Variants in PRKDC observed in about 807,000 individuals in gnomAD.
PRKDC encodes the protein DNA-dependent protein kinase catalytic subunit.
In PRKDC, 82 loss-of-function variants were observed where a neutral mutation model predicts 486.9. The observed-to-expected ratio is 0.17, with a 90% CI of 0.14 to 0.20. The LOEUF (loss-of-function observed/expected upper bound fraction) is 0.20. PRKDC is among the 10% of genes least tolerant of loss of function. The pLI is 1.00. For missense variants in PRKDC, 4,504 were observed against 5,038.2 expected (o/e 0.89, Z 3.21); for synonymous variants, 1,895 against 1,837.0 (o/e 1.03, Z -0.81).
chr8:47,890,335 G>A lies in PRKDC; in HGVS notation c.3993C>T (p.Asn1331=). ...RTSPQEGERY[N]YSKCTVVVRI... ...GGACCACAACGGTGCATTTGCTGTA[G>A]TTGTACCTTTCTCCCTCTTGTGGGC... The change falls in exon 32 of 86, where the codon AAC becomes AAT. Residue 1331 remains asparagine, a synonymous_variant. Transcript: ENST00000314191. The A allele has an allele frequency of 6.2e-7, 1 of 1,613,524 alleles. No individual in the cohort carries two copies. Among genetic ancestry groups the A allele is most frequent in the Non-Finnish European group, 8.5e-7 (1 of 1,179,826 alleles).
chr8:47,793,284 C>T (rs184206442), intron 74 of PRKDC, among the ~76,000 whole-genome samples: 82 of 152,296 alleles, frequency 5.4e-4, no homozygotes, highest in African/African-American at 1.8e-3. Context: ...TGGGCAGGGC[C>T]TCAGTAGGGC....
chr8:47,901,812 A>C (rs776801814), intron 27 of PRKDC, among the ~76,000 whole-genome samples: 9 of 152,174 alleles, frequency 5.9e-5, no homozygotes, highest in Admixed American at 6.5e-5. Context: ...TTACACAGGT[A>C]AATGTGGTAC....
At position 47,927,321 on chromosome 8, in the gene PRKDC, G is replaced by C. The variant is rs1338170764; in HGVS notation, c.2292C>G (p.Pro764=). 4 of 1,613,642 alleles carry C rather than the reference G, an allele frequency of 2.5e-6. No individual in the cohort carries two copies. The highest frequency in any genetic ancestry group is 3.4e-6 in the Non-Finnish European group (4 of 1,179,748). Residue 764 remains proline, a synonymous_variant, in exon 21 of 86, where the codon CCC becomes CCG. Coordinates refer to ENST00000314191, the MANE Select transcript of PRKDC (RefSeq NM_006904.7). The part of the protein sequence containing the change: ...MAFKLGLSYT[P]LAEVGLNALE... ...GAGCATTCAGGCCTACTTCTGCCAAGGGGGTATAGCTCAGGCCCAGTTTGA... is the reference window on the plus strand; with the variant it reads ...GAGCATTCAGGCCTACTTCTGCCAACGGGGTATAGCTCAGGCCCAGTTTGA...
At chr8:47,845,003 T>C (rs1589737263) in intron 54 of PRKDC, among the ~76,000 whole-genome samples, 1 of 152,062 alleles carries the variant, frequency 6.6e-6, no homozygotes, top group Admixed American at 6.6e-5. Flanking sequence ...TCATTTGAGG[T>C]CAGGAGTTTG....
intron 21 of PRKDC, chr8:47,926,730 C>T (rs1404157948): frequency 6.6e-6 from 1 of 152,114 alleles, no homozygotes; most frequent in Non-Finnish European, 1.5e-5. Flanking sequence ...CCTGTTTTTT[C>T]TATGATGACA....
chr8:47,876,557 A>T (rs1435783919), intron 40 of PRKDC, among the ~76,000 whole-genome samples: 2 of 151,958 alleles, frequency 1.3e-5, no homozygotes, highest in African/African-American at 4.8e-5. Flanking sequence ...GCTACTCGGG[A>T]GGCTGACGCA....
chr8:47,774,013 CTCA>C lies in PRKDC; in HGVS notation c.*157_*159del, dbSNP rs1212105368. 2 of 678,032 alleles carry C rather than the reference CTCA, an allele frequency of 2.9e-6. No individual in the cohort carries two copies. The highest frequency in any genetic ancestry group is 3.6e-5 in the African/African-American group (2 of 55,406). 42.0% of individuals were successfully genotyped at this position (678,032 alleles called of 1,614,324 possible). The stretch of plus-strand genomic sequence containing the variant: ...CTTTGATTTAACCCATACACATTTA[CTCA>C]TCATAATCTTGATTTAAACTCATGC... On this transcript the variant is annotated 3_prime_UTR_variant, in exon 86 of 86. Transcript: ENST00000314191.
chr8:47,774,506 C>G, intron 85 of PRKDC, 129 bp from the exon 86 acceptor site: 4 of 896,310 alleles, frequency 4.5e-6, no homozygotes, highest in South Asian at 1.8e-5. Flanking sequence ...TGGCTTATAA[C>G]CTTGAAGTCA....
chr8:47,847,186 A>G (rs1206679580), intron 54 of PRKDC, among the ~76,000 whole-genome samples: 1 of 152,202 alleles, frequency 6.6e-6, no homozygotes, highest in Non-Finnish European at 1.5e-5. Context: ...AATAGCCAAA[A>G]CAATTCTAAG....
intron 36 of PRKDC, among the ~76,000 whole-genome samples, chr8:47,884,767 G>A (rs953655287): frequency 2.6e-5 from 4 of 152,340 alleles, no homozygotes; most frequent in African/African-American, 9.6e-5. Context: ...CATATCAACA[G>A]TTAACAGTTT....
chr8:47,830,419 T>A (rs926463895), intron 61 of PRKDC, among the ~76,000 whole-genome samples, 186 bp downstream of exon 61: 1 of 152,188 alleles, frequency 6.6e-6, no homozygotes, highest in Non-Finnish European at 1.5e-5. Flanking sequence ...AAAGAAGTCA[T>A]GGAACTAGGA....
chr8:47,868,015 C>T (rs1239600372), intron 40 of PRKDC, among the ~76,000 whole-genome samples: 3 of 152,134 alleles, frequency 2.0e-5, no homozygotes, highest in Admixed American at 1.3e-4. Context: ...AGAAAAGCAA[C>T]CTTTCATTCT....
chr8:47,939,805 T>C, intron 10 of PRKDC, 108 bp from the exon 11 acceptor site: 3 of 963,000 alleles, frequency 3.1e-6, no homozygotes, highest in Non-Finnish European at 4.4e-6. Flanking sequence ...ACTGTTATAG[T>C]TACACGCAAT....
At chr8:47,861,991 G>T in intron 44 of PRKDC, 71 bp downstream of exon 44, 1 of 1,226,092 alleles carries the variant, frequency 8.2e-7, no homozygotes, top group Non-Finnish European at 1.1e-6. Flanking sequence ...GCAACTTAAC[G>T]TGTTTGACAT....
chr8:47,831,390 G>A (rs1039956885), intron 60 of PRKDC, among the ~76,000 whole-genome samples: 5 of 152,326 alleles, frequency 3.3e-5, no homozygotes, highest in Non-Finnish European at 7.4e-5. Context: ...CCCATTTCTA[G>A]GCGGAATGGA....
At chr8:47,802,797 C>T (rs933162243) in intron 70 of PRKDC, among the ~76,000 whole-genome samples, 2 of 152,090 alleles carry the variant, frequency 1.3e-5, no homozygotes, top group Non-Finnish European at 2.9e-5. Context: ...GGACTACAGG[C>T]GCCCACCACC....
chr8:47,782,425 C>T lies in PRKDC; in HGVS notation c.11349G>A (p.Gln3783=). 6.2e-7 allele frequency: 1 copy of T among 1,601,966 alleles called. No individual in the cohort carries two copies. Among genetic ancestry groups the T allele is most frequent in the Non-Finnish European group, 8.5e-7 (1 of 1,175,026 alleles). ...GILAQDSACS[Q]RALQLRTYSV... ...TATAGGTCCTCAGCTGCAGGGCCCT[C>T]TGGCTGCAGGCGGAGTCTTGGGCCA... Residue 3783 remains glutamine (Q), a synonymous_variant, in exon 79 of 86, where the codon CAG becomes CAA. Transcript: ENST00000314191. The surrounding 1 kb of genome is among the most constrained non-coding windows in gnomAD (Gnocchi z 4.9).
At chr8:47,835,620 CAA>C (rs71548446) in intron 58 of PRKDC, among the ~76,000 whole-genome samples, 13 of 20,470 alleles carry the variant, frequency 6.4e-4, no homozygotes, top group African/African-American at 1.5e-3. Context: ...GACTCTGTCT[CAA>C]AAAAAAAAAA....
In PRKDC at chr8:47,832,128, G is replaced by T. The variant is rs8178180; in HGVS notation, c.8153-202C>A. Reference sequence around the variant, plus strand: ...CAGGCATGAGCGCTGAACGGGCCAGGCCCCTCCAGAGGGAGGCCCAGGGAG... The same window carrying T: ...CAGGCATGAGCGCTGAACGGGCCAGTCCCCTCCAGAGGGAGGCCCAGGGAG... On this transcript the variant is annotated intron_variant, in intron 59 of 85. Coordinates refer to ENST00000314191, the MANE Select transcript of PRKDC (RefSeq NM_006904.7). Among the ~76,000 whole-genome samples, 587 of 152,342 alleles carry T rather than the reference G, an allele frequency of 3.9e-3. 4 individuals carry two copies. The highest frequency in any genetic ancestry group is 0.025 in the South Asian group (121 of 4,832).
Sources: allele counts gnomAD v4.1 joint callset (sites outside exome capture counted in the v4.1 genomes callset), GRCh38; gene constraint gnomAD v4.1.1; non-coding constraint Gnocchi (gnomAD v3.1); transcripts MANE v1.5; gene names NCBI Gene and HGNC (gene_info 2026-07-23, HGNC 2026-07-21).